Variants in KIAA1217 observed in about 807,000 individuals in gnomAD.
KIAA1217 encodes KIAA1217.
Under a neutral mutation model 163.9 loss-of-function variants are expected in KIAA1217, and 88 were observed. That is an observed-to-expected ratio of 0.54 (90% CI 0.45 to 0.64). The LOEUF (loss-of-function observed/expected upper bound fraction) is 0.64, where lower values mean the gene tolerates loss of function less well. KIAA1217 is among the 30% of genes least tolerant of loss of function. KIAA1217 has a pLI of 0.00. For missense variants in KIAA1217, 2,372 were observed against 2,475.0 expected (o/e 0.96, Z 0.88); for synonymous variants, 903 against 923.1 (o/e 0.98, Z 0.39).
chr10:24,355,116 A>C (rs1395032418), intron 2 of KIAA1217, among the ~76,000 whole-genome samples: 1 of 152,202 alleles, frequency 6.6e-6, no homozygotes. Flanking sequence ...GAGCTGTCCC[A>C]GGTGACACAG....
At chr10:24,368,441 C>G (rs1030903661) in intron 2 of KIAA1217, among the ~76,000 whole-genome samples, 1 of 151,990 alleles carries the variant, frequency 6.6e-6, no homozygotes, top group Non-Finnish European at 1.5e-5. Context: ...ATCTTCAGTA[C>G]TGACTTTCCT....
At chr10:24,023,235 C>A (rs553285931) in intron 2 of KIAA1217, among the ~76,000 whole-genome samples, 1 of 151,594 alleles carries the variant, frequency 6.6e-6, no homozygotes, top group Non-Finnish European at 1.5e-5. Flanking sequence ...ACTTTCAATA[C>A]CAAGTATAGT....
At chr10:23,850,927 A>G (rs1588946377) in intron 1 of KIAA1217, among the ~76,000 whole-genome samples, 1 of 152,118 alleles carries the variant, frequency 6.6e-6, no homozygotes, top group South Asian at 2.1e-4. Context: ...AGAACTCACT[A>G]TCAATGAGAA....
chr10:23,716,930 T>A (rs1588653662), intron 1 of KIAA1217, among the ~76,000 whole-genome samples: 1 of 152,166 alleles, frequency 6.6e-6, no homozygotes, highest in South Asian at 2.1e-4. Context: ...TGTTTTAAAC[T>A]TCTTATATAC....
chr10:24,403,337 C>T (rs930247452), intron 3 of KIAA1217, among the ~76,000 whole-genome samples: 4 of 152,148 alleles, frequency 2.6e-5, no homozygotes, highest in African/African-American at 4.8e-5. Flanking sequence ...CACCCGGGTT[C>T]GAGCAATTCT....
At chr10:24,203,294 C>T (rs1302775850) in intron 2 of KIAA1217, among the ~76,000 whole-genome samples, 1 of 152,002 alleles carries the variant, frequency 6.6e-6, no homozygotes, top group Non-Finnish European at 1.5e-5. Context: ...TCGCCTTGGA[C>T]AATTGCCTTG....
chr10:24,357,631 CT>C (rs2049282267), intron 2 of KIAA1217, among the ~76,000 whole-genome samples: 1 of 152,066 alleles, frequency 6.6e-6, no homozygotes, highest in African/African-American at 2.4e-5. Flanking sequence ...TTTGCAAGCT[CT>C]TTTTTTCTTG....
At chr10:23,787,918 G>C (rs1296187955) in intron 1 of KIAA1217, among the ~76,000 whole-genome samples, 2 of 152,046 alleles carry the variant, frequency 1.3e-5, no homozygotes, top group Non-Finnish European at 2.9e-5. Context: ...TATGGGGCTG[G>C]GCATGGTGGC....
At chr10:24,322,290 G>T (rs1299874625) in intron 2 of KIAA1217, among the ~76,000 whole-genome samples, 2 of 152,190 alleles carry the variant, frequency 1.3e-5, no homozygotes. Context: ...CTACAGAGGA[G>T]TGGGCTCCAC....
intron 5 of KIAA1217, among the ~76,000 whole-genome samples, chr10:24,465,982 A>G (rs1354503467): frequency 1.3e-5 from 2 of 152,110 alleles, no homozygotes; most frequent in African/African-American, 2.4e-5. Flanking sequence ...GCCCGGCGCT[A>G]TGTAGGACTG....
intron 1 of KIAA1217, among the ~76,000 whole-genome samples, chr10:23,940,011 A>G (rs558660447): frequency 8.6e-5 from 13 of 151,326 alleles, no homozygotes; most frequent in Non-Finnish European, 1.6e-4. Context: ...GATGCAGTAG[A>G]TTTTAGGAGA....
intron 1 of KIAA1217, among the ~76,000 whole-genome samples, chr10:23,955,583 C>T (rs541787750): frequency 1.3e-5 from 2 of 152,206 alleles, no homozygotes; most frequent in Admixed American, 6.5e-5. Flanking sequence ...GTGCTGTCTC[C>T]GTTAGTCTGT....
intron 1 of KIAA1217, among the ~76,000 whole-genome samples, chr10:23,786,863 C>G (rs927105177): frequency 1.3e-5 from 2 of 152,066 alleles, no homozygotes; most frequent in African/African-American, 2.4e-5. Context: ...AAGTGTTTTC[C>G]AATCATCAAA....
chr10:24,454,256 CT>C (rs1357410148), intron 5 of KIAA1217, among the ~76,000 whole-genome samples: 1 of 152,216 alleles, frequency 6.6e-6, no homozygotes, highest in Non-Finnish European at 1.5e-5. Context: ...GACTACCTAG[CT>C]TTTCATTTAA....
At chr10:24,386,773 G>A (rs1384568913) in intron 3 of KIAA1217, among the ~76,000 whole-genome samples, 1 of 151,926 alleles carries the variant, frequency 6.6e-6, no homozygotes, top group East Asian at 1.9e-4. Flanking sequence ...TAGAAATGGG[G>A]TCTTGCTGTG....
chr10:24,184,626 A>G (rs2066334709), intron 2 of KIAA1217, among the ~76,000 whole-genome samples: 3 of 152,358 alleles, frequency 2.0e-5, no homozygotes, highest in Admixed American at 6.5e-5. Flanking sequence ...GAAACTCCCA[A>G]TGCACTGATT....
chr10:24,147,756 C>A (rs1483763191), intron 2 of KIAA1217, among the ~76,000 whole-genome samples: 1 of 134,916 alleles, frequency 7.4e-6, no homozygotes, highest in Non-Finnish European at 1.5e-5. Context: ...TGGCTTGAAC[C>A]TGGGAGGCAG....
At chr10:23,780,170 A>G (rs1189801728) in intron 1 of KIAA1217, among the ~76,000 whole-genome samples, 1 of 152,214 alleles carries the variant, frequency 6.6e-6, no homozygotes, top group Non-Finnish European at 1.5e-5. Context: ...TATTTAAGGT[A>G]GACAACATGA....
chr10:23,714,173 C>A (rs941738295), intron 1 of KIAA1217, among the ~76,000 whole-genome samples: 8 of 152,022 alleles, frequency 5.3e-5, no homozygotes, highest in Non-Finnish European at 1.2e-4. Context: ...ACATATTTCC[C>A]CTTCCCCGCT....
Sources: gnomAD v4.1 joint callset for allele counts (sites outside exome capture counted in the v4.1 genomes callset) on GRCh38, gnomAD v4.1.1 for gene constraint, MANE v1.5 for transcripts, NCBI Gene and HGNC (gene_info 2026-07-23, HGNC 2026-07-21) for gene names.